Variants in SOX13 observed in about 807,000 individuals in gnomAD.
SOX13 encodes transcription factor SOX-13.
In SOX13, 28 loss-of-function variants were observed where a neutral mutation model predicts 71.8. The ratio of observed to expected loss-of-function variants is 0.39; its 90% CI spans 0.29 to 0.53. The LOEUF is 0.53. SOX13 is among the 20% of genes least tolerant of loss of function. SOX13 has a pLI of 0.70. For synonymous variants in SOX13, 309 were observed against 317.8 expected (o/e 0.97, Z 0.29); for missense variants, 627 against 810.3 (o/e 0.77, Z 2.75).
At chr1:204,111,387 G>A (rs1423545811) in intron 1 of SOX13, among the ~76,000 whole-genome samples, 2 of 152,194 alleles carry the variant, frequency 1.3e-5, no homozygotes, top group Non-Finnish European at 2.9e-5. Flanking sequence ...AACCTGCTGT[G>A]TTCCCACTAG....
At chr1:204,094,314 G>A (rs72747865) in intron 1 of SOX13, among the ~76,000 whole-genome samples, 2,762 of 152,290 alleles carry the variant, frequency 0.018, 34 homozygotes, top group Middle Eastern at 0.027. Context: ...CGCACACGCA[G>A]ACCTCTCACC....
At chr1:204,118,975 G>C (rs1237246685) in intron 7 of SOX13, 1 of 152,248 alleles carries the variant, frequency 6.6e-6, no homozygotes, top group African/African-American at 2.4e-5. Context: ...GGCAGTGACA[G>C]AGAGTTATGG....
In SOX13 at chr1:204,073,337, T is replaced by A. The variant is rs1655708131; in HGVS notation, c.-376T>A. Reference sequence around the variant, plus strand: ...CGAAGAGCAGGGAGGGCGGGCCGGCTGCGCGTCCGACGAGTCGCAGAGCAG... The same window carrying A: ...CGAAGAGCAGGGAGGGCGGGCCGGCAGCGCGTCCGACGAGTCGCAGAGCAG... On this transcript the variant is annotated 5_prime_UTR_variant, in exon 1 of 14. Coordinates refer to ENST00000367204, the MANE Select transcript of SOX13 (RefSeq NM_005686.3). The surrounding 1 kb of genome is among the most constrained non-coding windows in gnomAD (Gnocchi z 6.8). The A allele has an allele frequency of 6.5e-6, 1 of 152,722 alleles. No homozygotes were observed. Among genetic ancestry groups the A allele is most frequent in the Admixed American group, 6.5e-5 (1 of 15,294 alleles). The allele number at this position is 152,722 out of a possible 1,614,324, so 9.5% of individuals were successfully genotyped here.
intron 1 of SOX13, among the ~76,000 whole-genome samples, chr1:204,083,489 C>T (rs541332752): frequency 6.6e-6 from 1 of 152,302 alleles, no homozygotes; most frequent in South Asian, 2.1e-4. Context: ...TAAACTCATC[C>T]ATTCCTTGCC....
intron 1 of SOX13, among the ~76,000 whole-genome samples, chr1:204,103,053 G>A (rs1294958061): frequency 2.6e-5 from 4 of 152,184 alleles, no homozygotes; most frequent in Non-Finnish European, 4.4e-5. Flanking sequence ...ACTCCTTCCT[G>A]CTTTAGGGCT....
At chr1:204,077,044 T>A (rs945580945) in intron 1 of SOX13, among the ~76,000 whole-genome samples, 5 of 152,232 alleles carry the variant, frequency 3.3e-5, no homozygotes, top group Admixed American at 3.3e-4. Flanking sequence ...GGTCAGGCAG[T>A]GGTGGCCCTA....
chr1:204,121,120 C>T (rs1028774002), intron 7 of SOX13, among the ~76,000 whole-genome samples: 1 of 151,968 alleles, frequency 6.6e-6, no homozygotes, highest in African/African-American at 2.4e-5. Context: ...TCTGGGATTA[C>T]AGGCGCGTGC....
At position 204,126,065 on chromosome 1, in the gene SOX13, G is replaced by A. The variant is rs1656915430; in HGVS notation, c.1800G>A (p.Arg600=). 2 of 1,613,854 alleles carry A rather than the reference G, an allele frequency of 1.2e-6. No homozygotes were observed. Among genetic ancestry groups the A allele is most frequent in the African/African-American group, 2.7e-5 (2 of 74,892 alleles). ...CGGTGGCTGATGGCGAGATGTACCG[G>A]TACAGCGAGGACGAGGACTCGGAGG... ...RHSVADGEMY[R]YSEDEDSEGE... Residue 600 remains arginine, a synonymous_variant, in exon 14 of 14, where the codon CGG becomes CGA. Coordinates refer to ENST00000367204, the MANE Select transcript of SOX13 (RefSeq NM_005686.3).
Position 204,100,550 on chromosome 1 carries a change from G to A in SOX13, c.-1-12365G>A, listed in dbSNP as rs7537122. Among the ~76,000 whole-genome samples the A allele has an allele frequency of 3.1e-3, 465 of 152,250 alleles. 1 individual carries two copies. The highest frequency in any genetic ancestry group is 0.01 in the African/African-American group (436 of 41,546). On this transcript the variant is annotated intron_variant, in intron 1 of 13. Transcript: ENST00000367204. ...TTCCTTCCCTGCCCTTATTGAAAAG[G>A]CGCCAAAGCCAGGAAAAACAAACAG...
chr1:204,107,885 C>T (rs958041916), intron 1 of SOX13, among the ~76,000 whole-genome samples: 1 of 152,162 alleles, frequency 6.6e-6, no homozygotes, highest in Non-Finnish European at 1.5e-5. Flanking sequence ...CTGGTGGGCA[C>T]CCAGCCCTAG....
At chr1:204,096,085 G>A (rs1012112627) in intron 1 of SOX13, among the ~76,000 whole-genome samples, 8 of 152,042 alleles carry the variant, frequency 5.3e-5, no homozygotes, top group African/African-American at 1.9e-4. Flanking sequence ...GGACACTTGA[G>A]TTGTTTCCCA....
At chr1:204,107,398 C>T (rs995440899) in intron 1 of SOX13, among the ~76,000 whole-genome samples, 4 of 152,036 alleles carry the variant, frequency 2.6e-5, no homozygotes, top group Non-Finnish European at 4.4e-5. Flanking sequence ...CTGTGCAGAC[C>T]CCCAGCTGCA....
chr1:204,125,964 C>G lies in SOX13; in HGVS notation c.1699C>G (p.Leu567Val). 1 of 1,613,974 alleles carries G rather than the reference C, an allele frequency of 6.2e-7. No individual in the cohort carries two copies. Residue 567 changes from leucine to valine, a missense_variant, in exon 14 of 14, where the codon CTG becomes GTG. By Grantham distance (32) the Leu-to-Val change is conservative. Coordinates refer to ENST00000367204, the MANE Select transcript of SOX13 (RefSeq NM_005686.3). ...PLVEHYVPRS[L>V]DPNMPVIVNT... ...GGTGGAGCACTATGTCCCTCGTAGC[C>G]TGGACCCCAACATGCCTGTGATCGT...
intron 1 of SOX13, among the ~76,000 whole-genome samples, chr1:204,080,544 C>A (rs1048289088): frequency 1.3e-5 from 2 of 152,058 alleles, no homozygotes; most frequent in Admixed American, 6.5e-5. Flanking sequence ...TGCCTTACCT[C>A]CCCCAGTCCC....
At chr1:204,089,408 G>C (rs1020700673) in intron 1 of SOX13, among the ~76,000 whole-genome samples, 1 of 152,140 alleles carries the variant, frequency 6.6e-6, no homozygotes, top group Non-Finnish European at 1.5e-5. Context: ...CATGCCCGCC[G>C]GCCTCAGGGT....
Position 204,121,906 on chromosome 1 carries a change from A to C in SOX13, c.782A>C (p.Tyr261Ser). ...CTTGCTGCCTTTTCCATAGTGGAGT[A>C]TCCGCTGCAGCTGCTGCACAGCCCC... ...IQPIPCKPVE[Y>S]PLQLLHSPPA... The change falls in exon 8 of 14, where the codon TAT becomes TCT. Residue 261 changes from tyrosine (Y) to serine (S), a missense_variant. Coordinates refer to ENST00000367204, the MANE Select transcript of SOX13 (RefSeq NM_005686.3). 3.1e-6 allele frequency: 5 copies of C among 1,611,252 alleles called. No homozygotes were observed. Among genetic ancestry groups the C allele is most frequent in the Non-Finnish European group, 4.2e-6 (5 of 1,177,574 alleles).
At chr1:204,119,514 C>T (rs922044196) in intron 7 of SOX13, 2 of 152,180 alleles carry the variant, frequency 1.3e-5, no homozygotes, top group African/African-American at 4.8e-5. Context: ...GTCCCACCTC[C>T]TAAGTCTATC....
chr1:204,099,424 CTTTTTTTTTTT>C (rs200311750), intron 1 of SOX13, among the ~76,000 whole-genome samples: 991 of 93,528 alleles, frequency 0.011, 24 homozygotes, highest in African/African-American at 0.037. Flanking sequence ...CTTTTTCTGG[CTTTTTTTTTTT>C]TTTTTTTTTT....
chr1:204,094,690 C>T (rs1363650028), intron 1 of SOX13, among the ~76,000 whole-genome samples: 1 of 152,176 alleles, frequency 6.6e-6, no homozygotes. Flanking sequence ...ATCAGCTCTT[C>T]CTGCACTCTT....
Sources: allele counts gnomAD v4.1 joint callset (sites outside exome capture counted in the v4.1 genomes callset), GRCh38; gene constraint gnomAD v4.1.1; non-coding constraint Gnocchi (gnomAD v3.1); transcripts MANE v1.5; gene names NCBI Gene and HGNC (gene_info 2026-07-23, HGNC 2026-07-21).